TPM3: variants seen among roughly 807,000 people sequenced by gnomAD.
TPM3 encodes tropomyosin alpha-3 chain.
A neutral mutation model predicts 43.1 loss-of-function variants in TPM3; 16 were observed. The observed-to-expected ratio is 0.37, with a 90% confidence interval of 0.25 to 0.56. The LOEUF (loss-of-function observed/expected upper bound fraction) is 0.56, where lower values mean the gene tolerates loss of function less well. Ranked by LOEUF, TPM3 falls within the 20% of genes least tolerant of loss-of-function variation. The probability of loss-of-function intolerance (pLI) is 0.77; values close to 1 mark genes in which losing one functional copy is unlikely to be tolerated. For synonymous variants in TPM3, 101 were observed against 116.9 expected, an observed-to-expected ratio of 0.86 and a Z score of 0.88; for missense variants, 176 against 337.2, an observed-to-expected ratio of 0.52 and a Z score of 3.74.
chr1:154,157,632 G>C, downstream of TPM3: 1 of 777,544 alleles, frequency 1.3e-6, no homozygotes, highest in East Asian at 2.4e-5. Context: ...GGTGGGACTG[G>C]GGCGTTCTAC....
intron 1 of TPM3, chr1:154,191,584 G>T: frequency 7.3e-7 from 1 of 1,367,310 alleles, no homozygotes; most frequent in Non-Finnish European, 9.6e-7. Context: ...TGCCCGTGAT[G>T]CTATTTGAGT....
chr1:154,156,508 A>G (rs981404956), downstream of TPM3: 1 of 197,782 alleles, frequency 5.1e-6, no homozygotes, highest in African/African-American at 2.3e-5. Flanking sequence ...AAGCTGCAGG[A>G]TGTACACCTA....
rs1660753748 is a variant in TPM3, at chr1:154,164,651, TATA to T, written c.*3283_*3285del. ...TTCCAAAGTGTGGTGTATTCACTGCTATAGTTACTTTAATGTGATTAGGAAAAA... is the reference window on the plus strand; with the variant it reads ...TTCCAAAGTGTGGTGTATTCACTGCTGTTACTTTAATGTGATTAGGAAAAA... On this transcript the variant is annotated 3_prime_UTR_variant, in exon 10 of 10. Transcript: ENST00000651641. Among the ~76,000 whole-genome samples the T allele has an allele frequency of 6.6e-6, 1 of 152,226 alleles. No homozygotes were observed. Among genetic ancestry groups the T allele is most frequent in the South Asian group, 2.1e-4 (1 of 4,834 alleles).
rs1358714872 is a variant in TPM3 at position 154,165,243 on chromosome 1, A to G, written c.*2694T>C. Among the ~76,000 whole-genome samples the G allele has an allele frequency of 6.6e-6, 1 of 151,748 alleles. No homozygotes were observed. Among genetic ancestry groups the G allele is most frequent in the Non-Finnish European group, 1.5e-5 (1 of 67,940 alleles). ...CTAAAAATACAAAAATCAGCTGGGCATGGTGGTGGGTATCTGTAATCACAG... is the reference window on the plus strand; with the variant it reads ...CTAAAAATACAAAAATCAGCTGGGCGTGGTGGTGGGTATCTGTAATCACAG... On this transcript the variant is annotated 3_prime_UTR_variant, in exon 10 of 10. Transcript: ENST00000651641.
At chr1:154,160,964 C>A (rs142407147), downstream of TPM3, among the ~76,000 whole-genome samples, 37 of 151,908 alleles carry the variant, frequency 2.4e-4, no homozygotes, top group Middle Eastern at 3.4e-3. Context: ...GGTGACTATT[C>A]ATAGGCCTAA....
Position 154,165,179 on chromosome 1 carries a change from C to T in TPM3, c.*2758G>A, listed in dbSNP as rs539856851. Reference sequence around the variant, plus strand: ...GGTGGATCACTTGAGGTCAGGAGTTCGCGACCAGCCTGGCCAACATGCTGA... The same window carrying T: ...GGTGGATCACTTGAGGTCAGGAGTTTGCGACCAGCCTGGCCAACATGCTGA... On this transcript the variant is annotated 3_prime_UTR_variant, in exon 10 of 10. Transcript: ENST00000651641. 1.3e-5 allele frequency among the ~76,000 whole-genome samples: 2 copies of T among 151,796 alleles called. No homozygotes were observed. Among genetic ancestry groups the T allele is most frequent in the Non-Finnish European group, 2.9e-5 (2 of 67,886 alleles).
chr1:154,170,780 A>G, intron 6 of TPM3, 69 bp from the exon 7 acceptor site: 5 of 1,041,572 alleles, frequency 4.8e-6, no homozygotes, highest in Non-Finnish European at 7.5e-6. Flanking sequence ...CCCTCCCTAC[A>G]TTTAACTTAC....
chr1:154,172,498 C>T (rs1297236371), intron 5 of TPM3: 3 of 499,548 alleles, frequency 6.0e-6, no homozygotes, highest in African/African-American at 5.9e-5. Context: ...GTTCAAGCAA[C>T]CTTCCTGCCT....
rs549960992 is a variant in TPM3, at chr1:154,164,706, C to T, written c.*3231G>A. 1.3e-5 allele frequency among the ~76,000 whole-genome samples: 2 copies of T among 152,100 alleles called. No individual in the cohort carries two copies. The highest frequency in any genetic ancestry group is 2.4e-5 in the African/African-American group (1 of 41,482). The stretch of plus-strand genomic sequence containing the variant: ...CACTAACACATCAAAACTTTGATTT[C>T]AAAATAGAATTGTGTCAAGTAAGAA... On this transcript the variant is annotated 3_prime_UTR_variant, in exon 10 of 10. Coordinates refer to ENST00000651641, the MANE Select transcript of TPM3 (RefSeq NM_152263.4).
intron 5 of TPM3, chr1:154,172,608 G>T (rs1305321122): frequency 8.7e-6 from 4 of 459,956 alleles, no homozygotes; most frequent in African/African-American, 2.0e-5. Context: ...TCCACCCCAG[G>T]TGGAAGGACC....
intron 2 of TPM3, among the ~76,000 whole-genome samples, chr1:154,180,986 T>C (rs1662881960): frequency 6.6e-6 from 1 of 151,828 alleles, no homozygotes; most frequent in Non-Finnish European, 1.5e-5. Context: ...TCCTAGAATG[T>C]CCATATTTAA....
At chr1:154,169,495 A>G (rs2148227897) in intron 8 of TPM3, 112 bp from the exon 9 acceptor site, 1 of 1,047,776 alleles carries the variant, frequency 9.5e-7, no homozygotes, top group East Asian at 2.4e-5. Context: ...TGTGGGTCTA[A>G]TACCACAGTT....
chr1:154,191,091 C>T, intron 2 of TPM3, 95 bp downstream of exon 2: 1 of 1,594,486 alleles, frequency 6.3e-7, no homozygotes, highest in Non-Finnish European at 8.6e-7. Flanking sequence ...GTCTGTGTTC[C>T]ATGAACCCAC....
intron 2 of TPM3, among the ~76,000 whole-genome samples, chr1:154,190,843 G>C (rs1663648507): frequency 6.6e-6 from 1 of 152,170 alleles, no homozygotes; most frequent in South Asian, 2.1e-4. Context: ...TAAGAATGTG[G>C]CATGGGGGAG....
At position 154,167,932 on chromosome 1, in the gene TPM3, G is replaced by T; in HGVS notation, c.*5C>A. ...AGATCCAGAACAGAGCAGAAACGGT[G>T]ATAATTATCTGTATGAAAAAGTAAG... On this transcript the variant is annotated 3_prime_UTR_variant, in exon 10 of 10. Transcript: ENST00000651641. 6.2e-7 allele frequency: 1 copy of T among 1,614,006 alleles called. No homozygotes were observed. Among genetic ancestry groups the T allele is most frequent in the Non-Finnish European group, 8.5e-7 (1 of 1,179,970 alleles).
In TPM3 at chr1:154,163,735, G is replaced by A. The variant is rs1012242169; in HGVS notation, c.*4202C>T. Among the ~76,000 whole-genome samples, 1 of 151,980 alleles carries A rather than the reference G, an allele frequency of 6.6e-6. No individual in the cohort carries two copies. The highest frequency in any genetic ancestry group is 2.4e-5 in the African/African-American group (1 of 41,378). On this transcript the variant is annotated 3_prime_UTR_variant, in exon 10 of 10. Coordinates refer to ENST00000651641, the MANE Select transcript of TPM3 (RefSeq NM_152263.4). ...TACAAGCTCCGCCTCCCGGGTTCAC[G>A]CCATTCTCCTGCCTCAGCCTCCCAA...
At chr1:154,177,573 C>T (rs1263042840) in intron 2 of TPM3, among the ~76,000 whole-genome samples, 2 of 152,112 alleles carry the variant, frequency 1.3e-5, no homozygotes, top group South Asian at 2.1e-4. Flanking sequence ...CAACAGTATA[C>T]AAGAATTTAA....
intron 2 of TPM3, chr1:154,183,534 A>C (rs1488719359): frequency 5.4e-6 from 2 of 367,502 alleles, no homozygotes; most frequent in African/African-American, 2.1e-5. Context: ...TCACTCCCGC[A>C]ATGCCGATAC....
intron 1 of TPM3, 172 bp downstream of exon 1, chr1:154,191,730 C>A: frequency 6.4e-7 from 1 of 1,554,598 alleles, no homozygotes; most frequent in Non-Finnish European, 8.7e-7. Context: ...GTCACAAAGG[C>A]AGTCTGAGAC....
Sources: allele counts gnomAD v4.1 joint callset (sites outside exome capture counted in the v4.1 genomes callset), GRCh38; gene constraint gnomAD v4.1.1; transcripts MANE v1.5; gene names NCBI Gene and HGNC (gene_info 2026-07-23, HGNC 2026-07-21).